Variants in FHOD3 observed in about 807,000 individuals in gnomAD.
FHOD3 encodes formin homology 2 domain containing 3, also known as FH1/FH2 domain-containing protein 3.
In FHOD3, 90 loss-of-function variants were observed where a neutral mutation model predicts 173.0. The ratio of observed to expected loss-of-function variants is 0.52; its 90% CI spans 0.44 to 0.62. The LOEUF (loss-of-function observed/expected upper bound fraction) is 0.62, where lower values mean the gene tolerates loss of function less well. Among genes scored for constraint, FHOD3 ranks in the 20% least tolerant of loss-of-function variants. The probability of loss-of-function intolerance (pLI) is 0.00; values close to 1 mark genes in which losing one functional copy is unlikely to be tolerated. For synonymous variants in FHOD3, 828 were observed against 823.0 expected, an observed-to-expected ratio of 1.01 and a Z score of -0.10; for missense variants, 1,945 against 2,034.7, an observed-to-expected ratio of 0.96 and a Z score of 0.85.
intron 27 of FHOD3, among the ~76,000 whole-genome samples, 167 bp from the exon 28 acceptor site, chr18:36,769,098 G>A (rs1355559504): frequency 3.3e-5 from 5 of 152,202 alleles, no homozygotes; most frequent in Non-Finnish European, 7.3e-5. Flanking sequence ...TCCCTGCAGT[G>A]GGGACAGGTT....
chr18:36,523,219 G>C (rs542622055), intron 5 of FHOD3, among the ~76,000 whole-genome samples: 1 of 152,294 alleles, frequency 6.6e-6, no homozygotes, highest in African/African-American at 2.4e-5. Flanking sequence ...AGCTGGGCTT[G>C]AGTCTGCAAG....
intron 28 of FHOD3, among the ~76,000 whole-genome samples, chr18:36,772,219 G>A (rs1171493202): frequency 1.3e-5 from 2 of 152,198 alleles, no homozygotes; most frequent in African/African-American, 4.8e-5. Flanking sequence ...GTGTTTATCT[G>A]TAATGGGCTT....
chr18:36,625,526 G>C lies in FHOD3; in HGVS notation c.973G>C (p.Glu325Gln). 6.9e-7 allele frequency: 1 copy of C among 1,440,556 alleles called. No homozygotes were observed. Among genetic ancestry groups the C allele is most frequent in the East Asian group, 2.6e-5 (1 of 38,524 alleles). 89.2% of individuals were successfully genotyped at this position (1,440,556 alleles called of 1,614,324 possible). The change falls in exon 10 of 29, where the codon GAG (glutamate) becomes CAG (glutamine). Residue 325 changes from glutamate (E) to glutamine (Q), a missense_variant. Around this residue, in one of 5 missense-constraint regions of FHOD3, gnomAD observed 1,099 missense variants for 1,051.2 expected, o/e 1.05. Transcript: ENST00000590592. ...LNIYEVALRHEDGDETTEPPP... is the reference protein window; with the variant it reads ...LNIYEVALRHQDGDETTEPPP... ...GCTTTTCCAGGTGGCGCTCAGGCAC[G>C]AGGATGGCGATGAGACCACGGAGCC...
chr18:36,386,716 G>C (rs900411926), intron 3 of FHOD3, among the ~76,000 whole-genome samples: 1 of 152,206 alleles, frequency 6.6e-6, no homozygotes, highest in Non-Finnish European at 1.5e-5. Context: ...TGGGCTGCAA[G>C]TTCTAGGTGT....
chr18:36,720,529 C>T (rs374400483), intron 19 of FHOD3, among the ~76,000 whole-genome samples: 10 of 152,030 alleles, frequency 6.6e-5, no homozygotes, highest in African/African-American at 2.2e-4. Flanking sequence ...TGAGCCACTG[C>T]GCCTGGCCTC....
At chr18:36,472,081 GA>G (rs2053316831) in intron 3 of FHOD3, among the ~76,000 whole-genome samples, 1 of 152,108 alleles carries the variant, frequency 6.6e-6, no homozygotes, top group South Asian at 2.1e-4. Context: ...AAACTGAAAA[GA>G]ATATTAATTG....
intron 10 of FHOD3, among the ~76,000 whole-genome samples, chr18:36,640,653 G>A (rs9963619): frequency 0.071 from 10,794 of 152,104 alleles, 666 homozygotes; most frequent in East Asian, 0.24. Flanking sequence ...ACCTTAAGAC[G>A]GCTTTTTGAC....
At chr18:36,737,801 T>G (rs543814149) in intron 20 of FHOD3, among the ~76,000 whole-genome samples, 1 of 152,370 alleles carries the variant, frequency 6.6e-6, no homozygotes, top group South Asian at 2.1e-4. Context: ...GTAGAGACTG[T>G]GGTGTCAAGA....
chr18:36,664,777 TGAGAGAGAGAGAGAGA>T lies in FHOD3; in HGVS notation c.1835+6612_1835+6627del, dbSNP rs373836211. 1.5e-4 allele frequency among the ~76,000 whole-genome samples: 20 copies of T among 129,614 alleles called. No homozygotes were observed. In the East Asian group the frequency reaches 1.6e-3, roughly 10 times the overall value. The allele number at this position is 129,614 out of a possible 152,430, so 85.0% of individuals were successfully genotyped here. A position where few individuals can be genotyped will look rare whatever the true frequency, so the allele number is the denominator to read the frequency against. ...GAGCAAAAAGGGGTGTGTGTGTATG[TGAGAGAGAGAGAGAGA>T]GAGAGAGAGAGAGAGAGAGAGATTG... On this transcript the variant is annotated intron_variant, in intron 14 of 28. Coordinates refer to ENST00000590592, the MANE Select transcript of FHOD3 (RefSeq NM_001281740.3).
At chr18:36,374,432 G>C in intron 3 of FHOD3, among the ~76,000 whole-genome samples, 1 of 152,124 alleles carries the variant, frequency 6.6e-6, no homozygotes, top group East Asian at 1.9e-4. Context: ...TCAGAATTAT[G>C]TAATTTAATG....
At chr18:36,525,145 A>G (rs1009420607) in intron 5 of FHOD3, among the ~76,000 whole-genome samples, 11 of 152,150 alleles carry the variant, frequency 7.2e-5, no homozygotes, top group African/African-American at 2.4e-4. Flanking sequence ...TGGAACCATG[A>G]TTAGGTTACA....
At chr18:36,667,833 A>G (rs1427645093) in intron 14 of FHOD3, among the ~76,000 whole-genome samples, 1 of 152,220 alleles carries the variant, frequency 6.6e-6, no homozygotes, top group Non-Finnish European at 1.5e-5. Context: ...TGGCTATAAC[A>G]TCACTAGGTG....
intron 6 of FHOD3, among the ~76,000 whole-genome samples, chr18:36,580,808 C>G (rs888463169): frequency 1.3e-5 from 2 of 152,186 alleles, no homozygotes; most frequent in African/African-American, 2.4e-5. Flanking sequence ...GGGTTTTCCC[C>G]AATTCAAATT....
At chr18:36,623,813 A>G (rs948976578) in intron 9 of FHOD3, among the ~76,000 whole-genome samples, 10 of 152,188 alleles carry the variant, frequency 6.6e-5, no homozygotes, top group Non-Finnish European at 1.3e-4. Flanking sequence ...ATAAGGGTGG[A>G]TACACTCCTG....
intron 1 of FHOD3, among the ~76,000 whole-genome samples, chr18:36,313,242 G>T (rs1195954076): frequency 1.3e-5 from 2 of 152,276 alleles, no homozygotes; most frequent in East Asian, 3.9e-4. Flanking sequence ...GGGGGAATTA[G>T]ATATCATTGT....
At chr18:36,331,928 G>T (rs558576888) in intron 1 of FHOD3, among the ~76,000 whole-genome samples, 1 of 152,130 alleles carries the variant, frequency 6.6e-6, no homozygotes, top group Non-Finnish European at 1.5e-5. Context: ...GTGGACTAGA[G>T]CACCAGTTGT....
chr18:36,380,573 TTTTCTTTTCC>T (rs1373793601), intron 3 of FHOD3, among the ~76,000 whole-genome samples: 3,059 of 78,942 alleles, frequency 0.039, 44 homozygotes, highest in Middle Eastern at 0.048. Context: ...TTTTCTTTTC[TTTTCTTTTCC>T]TTTCCTTTCC....
intron 6 of FHOD3, among the ~76,000 whole-genome samples, chr18:36,591,743 C>T (rs1421877200): frequency 9.2e-6 from 1 of 109,180 alleles, no homozygotes; most frequent in Non-Finnish European, 1.9e-5. Context: ...CATAGAGAGA[C>T]ACTATCTCTA....
chr18:36,487,879 G>C (rs1208290493), intron 3 of FHOD3, among the ~76,000 whole-genome samples: 1 of 151,320 alleles, frequency 6.6e-6, no homozygotes, highest in African/African-American at 2.4e-5. Flanking sequence ...AGGCCACGGA[G>C]GATCCACACA....
Sources: gnomAD v4.1 joint callset for allele counts (sites outside exome capture counted in the v4.1 genomes callset) on GRCh38, gnomAD v4.1.1 for gene constraint, gnomAD v4.1.1 regional missense constraint, MANE v1.5 for transcripts, NCBI Gene and HGNC (gene_info 2026-07-23, HGNC 2026-07-21) for gene names.